CLASP1: variants seen among roughly 807,000 people sequenced by gnomAD.
CLASP1 encodes cytoplasmic linker associated protein 1.
In CLASP1, 38 loss-of-function variants were observed where a neutral mutation model predicts 192.3. The observed-to-expected ratio is 0.20, with a 90% CI of 0.15 to 0.26. The LOEUF is 0.26. CLASP1 is among the 10% of genes least tolerant of loss of function. The pLI is 1.00. For missense variants in CLASP1, 1,433 were observed against 1,932.5 expected, an observed-to-expected ratio of 0.74 and a Z score of 4.85; for synonymous variants, 691 against 712.8, an observed-to-expected ratio of 0.97 and a Z score of 0.49.
chr2:121,382,890 G>A (rs954397568), intron 32 of CLASP1, among the ~76,000 whole-genome samples: 5 of 152,218 alleles, frequency 3.3e-5, no homozygotes, highest in Admixed American at 1.3e-4. Context: ...AGCACAAGCT[G>A]TTTCCTTCTG....
chr2:121,382,385 G>C, intron 32 of CLASP1, 61 bp from the exon 34 acceptor site: 55 of 1,014,106 alleles, frequency 5.4e-5, no homozygotes, highest in Middle Eastern at 2.3e-4. Context: ...GGGAGGGGAG[G>C]AGGAAAGCAC....
rs1306227350 is a variant in CLASP1, at chr2:121,478,900, CCACACCACACACACCACACA to C, written c.713-8960_713-8941del. On this transcript the variant is annotated intron_variant, in intron 8 of 39. Coordinates refer to ENST00000263710, the Ensembl canonical transcript of CLASP1. ...ACCACACACACACCACACACACACA[CCACACCACACACACCACACA>C]CACACCACACAACACCCCCCACACA... Among the ~76,000 whole-genome samples the C allele has an allele frequency of 4.9e-3, 289 of 58,502 alleles. 5 individuals are homozygous for C. The highest frequency in any genetic ancestry group is 0.022 in the African/African-American group (270 of 12,262). 38.4% of individuals were successfully genotyped at this position (58,502 alleles called of 152,430 possible).
chr2:121,587,397 A>C (rs1455351646), intron 2 of CLASP1, among the ~76,000 whole-genome samples: 2 of 151,996 alleles, frequency 1.3e-5, no homozygotes, highest in Non-Finnish European at 2.9e-5. Context: ...CCCTTTCCTA[A>C]TCCCCCTACC....
exon 28 of CLASP1, chr2:121,401,642 C>A (rs752328318): frequency 1.2e-6 from 2 of 1,611,422 alleles, no homozygotes; most frequent in Non-Finnish European, 1.7e-6. Context: ...ATTATAAAAT[C>A]CACAAGAGTC....
chr2:121,624,856 A>G (rs998432260), intron 1 of CLASP1, among the ~76,000 whole-genome samples: 2 of 152,212 alleles, frequency 1.3e-5, no homozygotes, highest in Non-Finnish European at 2.9e-5. Context: ...CATCATCATG[A>G]TATGATATAT....
intron 23 of CLASP1, among the ~76,000 whole-genome samples, chr2:121,417,630 C>T (rs1255572239): frequency 6.6e-6 from 1 of 152,184 alleles, no homozygotes; most frequent in Non-Finnish European, 1.5e-5. Flanking sequence ...GACCATCTAG[C>T]AGGGCTTTGG....
At chr2:121,564,067 T>A (rs2059313626) in intron 2 of CLASP1, among the ~76,000 whole-genome samples, 1 of 152,132 alleles carries the variant, frequency 6.6e-6, no homozygotes, top group Non-Finnish European at 1.5e-5. Context: ...GAAAGACCTG[T>A]CCCCATGATT....
chr2:121,578,338 C>G (rs2060751812), intron 2 of CLASP1, among the ~76,000 whole-genome samples: 1 of 146,668 alleles, frequency 6.8e-6, no homozygotes, highest in Admixed American at 7.0e-5. Context: ...GAGAGGATCA[C>G]TTAAGGCCAG....
chr2:121,369,690 G>A (rs886655836), intron 34 of CLASP1, among the ~76,000 whole-genome samples: 4 of 152,144 alleles, frequency 2.6e-5, no homozygotes, highest in African/African-American at 9.7e-5. Context: ...AGCACTTCCC[G>A]TGTGGATGAA....
At chr2:121,365,272 T>A in exon 36 of CLASP1, 14 of 1,612,856 alleles carry the variant, frequency 8.7e-6, no homozygotes, top group Non-Finnish European at 1.2e-5. Context: ...CAGGTCAGAA[T>A]GGTCGATGGG....
intron 2 of CLASP1, chr2:121,531,045 G>A (rs543188881): frequency 1.2e-4 from 82 of 698,074 alleles, no homozygotes; most frequent in African/African-American, 2.1e-4. Flanking sequence ...AGTTCAAACA[G>A]CAGTAATTCG....
intron 1 of CLASP1, among the ~76,000 whole-genome samples, chr2:121,608,765 C>T (rs2064794264): frequency 6.6e-6 from 1 of 152,126 alleles, no homozygotes; most frequent in Admixed American, 6.5e-5. Flanking sequence ...AACTGATATA[C>T]TCCTTCTTCC....
chr2:121,498,418 G>A (rs2093621053), intron 8 of CLASP1, among the ~76,000 whole-genome samples: 1 of 151,848 alleles, frequency 6.6e-6, no homozygotes, highest in Non-Finnish European at 1.5e-5. Flanking sequence ...TATTGGCCAG[G>A]CTGGCCTCAA....
chr2:121,349,196 C>T lies in CLASP1; in HGVS notation c.4207-478G>A, dbSNP rs534572828. 1.6e-3 allele frequency among the ~76,000 whole-genome samples: 245 copies of T among 151,538 alleles called. 1 individual carries two copies. The Middle Eastern group carries it at 0.02, about 13-fold the overall frequency. ...CGGAGCTTGCAGTGAGCCAAGATCG[C>T]GCCACCGCACTCCAGCCTGGGTGAC... is the stretch of plus-strand genomic sequence containing the variant. On this transcript the variant is annotated intron_variant, in intron 37 of 39. Coordinates refer to ENST00000263710, the Ensembl canonical transcript of CLASP1.
At chr2:121,409,745 GACAA>G (rs1358713240) in intron 24 of CLASP1, among the ~76,000 whole-genome samples, 1 of 152,136 alleles carries the variant, frequency 6.6e-6, no homozygotes, top group Non-Finnish European at 1.5e-5. Flanking sequence ...AACTTGGAAG[GACAA>G]ACAGCTTCAG....
At chr2:121,602,331 T>C (rs1294565584) in intron 2 of CLASP1, among the ~76,000 whole-genome samples, 1 of 151,894 alleles carries the variant, frequency 6.6e-6, no homozygotes, top group African/African-American at 2.4e-5. Context: ...TACAAACAAA[T>C]AGAAAGACAT....
At chr2:121,479,015 A>ACCACACACACC (rs2092328194) in intron 8 of CLASP1, among the ~76,000 whole-genome samples, 2 of 45,030 alleles carry the variant, frequency 4.4e-5, no homozygotes, top group Admixed American at 2.5e-4. Context: ...ACACACACAC[A>ACCACACACACC]CCACACACAC....
intron 1 of CLASP1, among the ~76,000 whole-genome samples, chr2:121,628,957 T>C (rs1297977760): frequency 6.6e-6 from 1 of 152,038 alleles, no homozygotes; most frequent in African/African-American, 2.4e-5. Context: ...TCCTTTTTTT[T>C]TAATTCTTTT....
intron 12 of CLASP1, chr2:121,459,757 C>A: frequency 2.7e-6 from 1 of 375,898 alleles, no homozygotes. Flanking sequence ...GAAATAAAGA[C>A]TTCAGAGCTA....
Sources: gnomAD v4.1 joint callset for allele counts (sites outside exome capture counted in the v4.1 genomes callset) on GRCh38, gnomAD v4.1.1 for gene constraint, MANE v1.5 for transcripts, NCBI Gene and HGNC (gene_info 2026-07-23, HGNC 2026-07-21) for gene names.